Variants in RETREG1 observed in about 807,000 individuals in gnomAD.
RETREG1 encodes the protein reticulophagy regulator 1.
In RETREG1, 44 loss-of-function variants were observed where a neutral mutation model predicts 54.8. That is an observed-to-expected ratio of 0.80 (90% CI 0.63 to 1.03). The LOEUF (loss-of-function observed/expected upper bound fraction) is 1.03, where lower values mean the gene tolerates loss of function less well. RETREG1 is among the 50% of genes least tolerant of loss of function. The pLI, the probability that RETREG1 is intolerant of heterozygous loss-of-function variation, is 0.00. For missense variants in RETREG1, 554 were observed against 605.1 expected (o/e 0.92, Z 0.89); for synonymous variants, 217 against 238.5 (o/e 0.91, Z 0.83).
At chr5:16,528,479 G>A (rs535879713) in intron 3 of RETREG1, among the ~76,000 whole-genome samples, 7 of 152,178 alleles carry the variant, frequency 4.6e-5, no homozygotes, top group East Asian at 1.9e-4. Context: ...CACCTGCCTG[G>A]GACAGGAGTC....
intron 3 of RETREG1, chr5:16,508,439 T>G: frequency 1.2e-6 from 1 of 860,454 alleles, no homozygotes; most frequent in Non-Finnish European, 1.9e-6. Context: ...GAAAATTATG[T>G]TTCCTGGAAT....
At chr5:16,544,805 GC>G (rs1741344212) in intron 3 of RETREG1, among the ~76,000 whole-genome samples, 1 of 152,138 alleles carries the variant, frequency 6.6e-6, no homozygotes, top group African/African-American at 2.4e-5. Flanking sequence ...GATGACCACA[GC>G]TTTATAATAA....
intron 1 of RETREG1, among the ~76,000 whole-genome samples, chr5:16,610,749 G>A (rs1345220496): frequency 2.0e-5 from 3 of 152,234 alleles, no homozygotes; most frequent in East Asian, 1.9e-4. Flanking sequence ...TAAAAAGTCA[G>A]GAAACAACAG....
At chr5:16,538,568 C>T (rs1274247969) in intron 3 of RETREG1, among the ~76,000 whole-genome samples, 5 of 152,158 alleles carry the variant, frequency 3.3e-5, no homozygotes, top group Non-Finnish European at 7.4e-5. Flanking sequence ...CACAGAGATC[C>T]GAACTCAAGT....
chr5:16,547,657 G>T (rs1741425010), intron 3 of RETREG1, among the ~76,000 whole-genome samples: 1 of 152,146 alleles, frequency 6.6e-6, no homozygotes, highest in Admixed American at 6.5e-5. Flanking sequence ...GTACAATGAG[G>T]CCCTTCTATA....
In RETREG1 at chr5:16,538,767, C is replaced by T. The variant is rs1260385963; in HGVS notation, c.458+26996G>A. 2.0e-5 allele frequency among the ~76,000 whole-genome samples: 3 copies of T among 151,810 alleles called. No homozygotes were observed. The East Asian group carries it at 5.8e-4, about 29-fold the overall frequency. On this transcript the variant is annotated intron_variant, in intron 3 of 8. Coordinates refer to ENST00000306320, the MANE Select transcript of RETREG1 (RefSeq NM_001034850.3). Reference sequence around the variant, plus strand: ...TCGCCCAGGCTGGAGTGCAGTGGCACGATCTCGGCTCACTGCAAGCTCCGC... The same window carrying T: ...TCGCCCAGGCTGGAGTGCAGTGGCATGATCTCGGCTCACTGCAAGCTCCGC...
At position 16,528,489 on chromosome 5, in the gene RETREG1, C is replaced by T. The variant is rs117211262; in HGVS notation, c.458+37274G>A. Among the ~76,000 whole-genome samples the T allele has an allele frequency of 3.9e-5, 6 of 152,198 alleles. No homozygotes were observed. The East Asian group carries it at 5.8e-4, about 15-fold the overall frequency. On this transcript the variant is annotated intron_variant, in intron 3 of 8. Transcript: ENST00000306320. Reference sequence around the variant, plus strand: ...TATTCCACCTGCCTGGGACAGGAGTCAGCTCTGGATGACATGGAGGCCAGT... The same window carrying T: ...TATTCCACCTGCCTGGGACAGGAGTTAGCTCTGGATGACATGGAGGCCAGT...
chr5:16,535,193 C>T (rs148305922), intron 3 of RETREG1, among the ~76,000 whole-genome samples: 208 of 152,294 alleles, frequency 1.4e-3, no homozygotes, highest in African/African-American at 4.9e-3. Context: ...ATTTTATAAA[C>T]GTACAGATTT....
At chr5:16,537,601 G>A (rs1741112143) in intron 3 of RETREG1, among the ~76,000 whole-genome samples, 1 of 152,192 alleles carries the variant, frequency 6.6e-6, no homozygotes, top group South Asian at 2.1e-4. Flanking sequence ...GGGAGACTGA[G>A]GCACAAGAAT....
chr5:16,505,345 A>G (rs527740763), intron 3 of RETREG1, among the ~76,000 whole-genome samples: 15 of 152,104 alleles, frequency 9.9e-5, no homozygotes, highest in Non-Finnish European at 1.8e-4. Context: ...GTACTCTCCC[A>G]CACGACCATT....
intron 1 of RETREG1, among the ~76,000 whole-genome samples, chr5:16,577,709 G>A (rs1379105188): frequency 6.6e-6 from 1 of 152,030 alleles, no homozygotes; most frequent in African/African-American, 2.4e-5. Context: ...ATTCTCATGT[G>A]TTGTGGGAGG....
intron 3 of RETREG1, among the ~76,000 whole-genome samples, chr5:16,539,362 CT>C (rs911386827): frequency 1.3e-5 from 2 of 152,146 alleles, no homozygotes; most frequent in Non-Finnish European, 2.9e-5. Flanking sequence ...AAACACACCC[CT>C]GAATGTCATC....
chr5:16,536,971 C>A (rs943997894), intron 3 of RETREG1, among the ~76,000 whole-genome samples: 6 of 152,164 alleles, frequency 3.9e-5, no homozygotes, highest in Admixed American at 2.0e-4. Context: ...CTCCCATCGT[C>A]AGAGAGTTCA....
At chr5:16,504,053 C>T (rs889894819) in intron 3 of RETREG1, among the ~76,000 whole-genome samples, 6 of 152,128 alleles carry the variant, frequency 3.9e-5, no homozygotes, top group African/African-American at 1.2e-4. Context: ...TGCTCTCCCT[C>T]CCCCCAACCC....
chr5:16,510,516 G>C (rs1367968992), intron 3 of RETREG1, among the ~76,000 whole-genome samples: 1 of 152,050 alleles, frequency 6.6e-6, no homozygotes, highest in Admixed American at 6.6e-5. Context: ...TCGGCTGGGG[G>C]TGGTGGCTCA....
intron 3 of RETREG1, among the ~76,000 whole-genome samples, chr5:16,484,437 A>C (rs946404800): frequency 3.3e-5 from 5 of 152,188 alleles, no homozygotes; most frequent in African/African-American, 1.2e-4. Context: ...GCACTGCCAC[A>C]GAGCTATGGA....
chr5:16,606,131 G>A (rs977873372), intron 1 of RETREG1, among the ~76,000 whole-genome samples: 1 of 152,150 alleles, frequency 6.6e-6, no homozygotes, highest in African/African-American at 2.4e-5. Flanking sequence ...GAGACAGGAA[G>A]AGAGTGTCCT....
rs1182531570 is a variant in RETREG1, at chr5:16,597,334, A to G, written c.320+19318T>C. On this transcript the variant is annotated intron_variant, in intron 1 of 8. Transcript: ENST00000306320. The surrounding 1 kb of genome is among the most constrained non-coding windows in gnomAD (Gnocchi z 4.3). Reference sequence around the variant, plus strand: ...AACGGCCTAAAATATCTGACACGGGATAAGTGCTCCACACCCATTAGTTCT... The same window carrying G: ...AACGGCCTAAAATATCTGACACGGGGTAAGTGCTCCACACCCATTAGTTCT... Among the ~76,000 whole-genome samples, 1 of 152,234 alleles carries G rather than the reference A, an allele frequency of 6.6e-6. No homozygotes were observed. The highest frequency in any genetic ancestry group is 6.5e-5 in the Admixed American group (1 of 15,292).
Position 16,606,473 on chromosome 5 carries a change from G to A in RETREG1, c.320+10179C>T, listed in dbSNP as rs371132030. Among the ~76,000 whole-genome samples, 62 of 152,248 alleles carry A rather than the reference G, an allele frequency of 4.1e-4. No individual in the cohort carries two copies. In the South Asian group the frequency reaches 6.4e-3, roughly 16 times the overall value. On this transcript the variant is annotated intron_variant, in intron 1 of 8. Transcript: ENST00000306320. ...ACCTGCACTCTGAGAGTCAGTCTGT[G>A]TCACTGTAGTGACACGTGGATAATT...
Sources: allele counts gnomAD v4.1 joint callset (sites outside exome capture counted in the v4.1 genomes callset), GRCh38; gene constraint gnomAD v4.1.1; non-coding constraint Gnocchi (gnomAD v3.1); transcripts MANE v1.5; gene names NCBI Gene and HGNC (gene_info 2026-07-23, HGNC 2026-07-21).